The following COBL variants were observed in gnomAD, a reference collection of about 807,000 sequenced individuals.
The protein encoded by COBL is protein cordon-bleu.
COBL carries 51 observed loss-of-function variants against 98.8 expected under a neutral mutation model. The ratio of observed to expected loss-of-function variants is 0.52; its 90% CI spans 0.41 to 0.65. COBL has a LOEUF of 0.65. Ranked by LOEUF, COBL falls within the 30% of genes least tolerant of loss-of-function variation. The pLI is 0.00. For missense variants in COBL, 1,617 were observed against 1,617.5 expected (o/e 1.00, Z 0.01); for synonymous variants, 634 against 651.7 (o/e 0.97, Z 0.41).
At chr7:51,261,595 T>G (rs1797725017) in intron 1 of COBL, among the ~76,000 whole-genome samples, 1 of 152,186 alleles carries the variant, frequency 6.6e-6, no homozygotes, top group Admixed American at 6.5e-5. Context: ...TGGAGGAATC[T>G]GAGGTGATGC....
intron 1 of COBL, among the ~76,000 whole-genome samples, chr7:51,230,733 A>G (rs913041112): frequency 3.3e-5 from 5 of 152,320 alleles, no homozygotes; most frequent in Admixed American, 2.6e-4. Context: ...GTGAAGCCCA[A>G]ACTCCTCTGT....
chr7:51,155,258 T>A (rs1330244396), intron 5 of COBL, among the ~76,000 whole-genome samples: 1 of 151,926 alleles, frequency 6.6e-6, no homozygotes, highest in Non-Finnish European at 1.5e-5. Flanking sequence ...ATATGCAATA[T>A]TTAGGACAAT....
chr7:51,268,932 TA>T (rs34068228), intron 1 of COBL, among the ~76,000 whole-genome samples: 9,280 of 103,604 alleles, frequency 0.09, 693 homozygotes, highest in African/African-American at 0.25. Flanking sequence ...CCCGTCTCAA[TA>T]AAAAAAAAAA....
chr7:51,109,747 C>T (rs547136847), intron 6 of COBL, among the ~76,000 whole-genome samples: 1 of 152,274 alleles, frequency 6.6e-6, no homozygotes, highest in East Asian at 1.9e-4. Context: ...ACAGCAAACT[C>T]CTTCCCTGCA....
intron 5 of COBL, among the ~76,000 whole-genome samples, chr7:51,182,934 G>C (rs1166336419): frequency 6.6e-6 from 1 of 152,164 alleles, no homozygotes; most frequent in African/African-American, 2.4e-5. Flanking sequence ...TGGACCTTCT[G>C]TTCTCATCTG....
At chr7:51,193,899 T>C (rs1384400229) in intron 2 of COBL, among the ~76,000 whole-genome samples, 1 of 152,320 alleles carries the variant, frequency 6.6e-6, no homozygotes, top group Non-Finnish European at 1.5e-5. Context: ...GCACAAATAT[T>C]TTTCATGCAT....
At chr7:51,315,839 TGTGGGGA>T (rs1803516714) in intron 1 of COBL, among the ~76,000 whole-genome samples, 1 of 151,960 alleles carries the variant, frequency 6.6e-6, no homozygotes, top group African/African-American at 2.4e-5. Flanking sequence ...GCACGCAAGG[TGTGGGGA>T]TAGCAAACAG....
chr7:51,316,497 G>A, intron 1 of COBL, 96 bp downstream of exon 1: 4 of 944,570 alleles, frequency 4.2e-6, no homozygotes, highest in East Asian at 3.8e-5. Context: ...TGGGGCGGCA[G>A]AGAGGGCGCC....
intron 7 of COBL, among the ~76,000 whole-genome samples, chr7:51,080,534 C>T (rs184549658): frequency 1.4e-4 from 21 of 152,294 alleles, no homozygotes; most frequent in Admixed American, 1.0e-3. Flanking sequence ...CCTCCTGCCT[C>T]GGTTTCCCCA....
intron 7 of COBL, among the ~76,000 whole-genome samples, chr7:51,061,330 G>T (rs1368658508): frequency 6.6e-6 from 1 of 152,092 alleles, no homozygotes; most frequent in Non-Finnish European, 1.5e-5. Flanking sequence ...TTCCATAGCA[G>T]TGTCTAATTG....
At chr7:51,235,952 G>C (rs565247630) in intron 1 of COBL, among the ~76,000 whole-genome samples, 10 of 152,202 alleles carry the variant, frequency 6.6e-5, no homozygotes, top group Admixed American at 5.9e-4. Context: ...CTTCAGCTTG[G>C]CTAAAGAAAT....
chr7:51,277,427 G>A (rs893455303), intron 1 of COBL, among the ~76,000 whole-genome samples: 9 of 152,152 alleles, frequency 5.9e-5, no homozygotes, highest in Non-Finnish European at 1.0e-4. Flanking sequence ...TGAAGACGAC[G>A]TGGGAATTCT....
intron 1 of COBL, among the ~76,000 whole-genome samples, chr7:51,246,796 G>T (rs1796307587): frequency 6.6e-6 from 1 of 152,124 alleles, no homozygotes; most frequent in Non-Finnish European, 1.5e-5. Context: ...AAGAACAAAT[G>T]GGCTTTTTTT....
chr7:51,252,371 C>CT (rs1186312079), intron 1 of COBL, among the ~76,000 whole-genome samples: 13 of 152,280 alleles, frequency 8.5e-5, no homozygotes, highest in African/African-American at 3.1e-4. Context: ...CAGTCACCCC[C>CT]TTTTTTTCTT....
chr7:51,074,877 A>G (rs1377810296), intron 7 of COBL, among the ~76,000 whole-genome samples: 2 of 152,228 alleles, frequency 1.3e-5, no homozygotes, highest in African/African-American at 4.8e-5. Context: ...AGTAGCACAA[A>G]ATTTATAAGT....
chr7:51,159,988 G>A (rs1421548374), intron 5 of COBL, among the ~76,000 whole-genome samples: 1 of 152,148 alleles, frequency 6.6e-6, no homozygotes, highest in East Asian at 1.9e-4. Context: ...CGCCTCCCGA[G>A]TTCAAGTGAT....
chr7:51,290,157 G>A (rs1332451615), intron 1 of COBL, among the ~76,000 whole-genome samples: 1 of 152,164 alleles, frequency 6.6e-6, no homozygotes, highest in Non-Finnish European at 1.5e-5. Context: ...ATCAACACTT[G>A]GACTTGAGCA....
At chr7:51,209,356 A>G (rs1302817678) in intron 2 of COBL, among the ~76,000 whole-genome samples, 3 of 152,210 alleles carry the variant, frequency 2.0e-5, no homozygotes, top group Non-Finnish European at 1.5e-5. Context: ...CCAGTAAGGA[A>G]GATACTAGAC....
At position 51,225,725 on chromosome 7, in the gene COBL, C is replaced by T. The variant is rs375304702; in HGVS notation, c.42-5781G>A. ...ACACATTTACTAAGTTTCAGGATGA[C>T]GCTTGTTAATTCCCACATCAGCTGG... On this transcript the variant is annotated intron_variant, in intron 1 of 12. Transcript: ENST00000265136. 5.3e-5 allele frequency among the ~76,000 whole-genome samples: 8 copies of T among 152,304 alleles called. No homozygotes were observed. The South Asian group carries it at 8.3e-4, about 16-fold the overall frequency.
Sources: gnomAD v4.1 joint callset for allele counts (sites outside exome capture counted in the v4.1 genomes callset) on GRCh38, gnomAD v4.1.1 for gene constraint, MANE v1.5 for transcripts, NCBI Gene and HGNC (gene_info 2026-07-23, HGNC 2026-07-21) for gene names.